The following CHD1 variants were observed in gnomAD, a reference collection of about 807,000 sequenced individuals.
CHD1 encodes the protein ATP-dependent chromatin remodeler CHD1.
A neutral mutation model predicts 224.2 loss-of-function variants in CHD1; 36 were observed. That is an observed-to-expected ratio of 0.16 (90% CI 0.12 to 0.21). The LOEUF is 0.21. Ranked by LOEUF, CHD1 falls within the 10% of genes least tolerant of loss-of-function variation. CHD1 has a pLI of 1.00. For synonymous variants in CHD1, 668 were observed against 658.3 expected (o/e 1.01, Z -0.23); for missense variants, 1,378 against 1,994.8 (o/e 0.69, Z 5.89).
chr5:98,881,879 G>A (rs1750216773), intron 20 of CHD1, 96 bp downstream of exon 20: 2 of 1,067,490 alleles, frequency 1.9e-6, no homozygotes, highest in Admixed American at 2.4e-5. Flanking sequence ...GTACAACTCT[G>A]AATACATTTC....
intron 23 of CHD1, among the ~76,000 whole-genome samples, chr5:98,878,561 G>T (rs1413936990): frequency 1.3e-5 from 2 of 152,152 alleles, no homozygotes. Flanking sequence ...ATATAGCTTG[G>T]CATGGCACTA....
intron 4 of CHD1, 96 bp downstream of exon 4, chr5:98,903,696 C>T: frequency 2.2e-6 from 2 of 890,116 alleles, no homozygotes; most frequent in Non-Finnish European, 1.9e-6. Context: ...CTTATTCTTT[C>T]AAAGCACTTA....
In CHD1 at chr5:98,904,990, G is replaced by A. The variant is rs138037687; in HGVS notation, c.162C>T (p.Ser54=). ...SSQSGSSDSD[S]GSESGSQSES... is the part of the protein sequence containing the mutation. ...CTGACTGACTGCCTGATTCAGATCC[G>A]GAGTCAGAGTCACTGCTACCTGACT... Residue 54 remains serine, a synonymous_variant, in exon 3 of 36, where the codon TCC becomes TCT. Transcript: ENST00000614616. The A allele has an allele frequency of 6.3e-6, 10 of 1,585,254 alleles. No homozygotes were observed. In the East Asian group the frequency reaches 6.7e-5, roughly 11 times the overall value.
chr5:98,902,631 T>C (rs1045094259), intron 5 of CHD1, among the ~76,000 whole-genome samples: 4 of 152,078 alleles, frequency 2.6e-5, no homozygotes, highest in African/African-American at 9.6e-5. Context: ...TTTTCTGATA[T>C]TACAACTAGG....
At position 98,872,044 on chromosome 5, in the gene CHD1, T is replaced by C. The variant is rs1231317073; in HGVS notation, c.3861+7A>G. 1.9e-6 allele frequency: 3 copies of C among 1,601,508 alleles called. No individual in the cohort carries two copies. The highest frequency in any genetic ancestry group is 2.6e-6 in the Non-Finnish European group (3 of 1,173,270). ...AATGGTTAACAGAATCAGAAATAGA[T>C]AAATACCTTGTGTGTTAGACTGAGG... On this transcript the variant is annotated splice_region_variant and intron_variant, in intron 28 of 35. Coordinates refer to ENST00000614616, the MANE Select transcript of CHD1 (RefSeq NM_001270.4).
rs1747904504 is a variant in CHD1 at position 98,854,842 on chromosome 5, C to A, written c.*1538G>T. On this transcript the variant is annotated 3_prime_UTR_variant, in exon 36 of 36. Coordinates refer to ENST00000614616, the MANE Select transcript of CHD1 (RefSeq NM_001270.4). ...CACATACTTATATTCGTCAAAGATT[C>A]AAATTTGTTACATCAAAGCATACAT... The A allele has an allele frequency of 6.6e-6, 1 of 152,094 alleles. No homozygotes were observed. Among genetic ancestry groups the A allele is most frequent in the Non-Finnish European group, 1.5e-5 (1 of 68,002 alleles). 9.4% of individuals were successfully genotyped at this position (152,094 alleles called of 1,614,324 possible).
At chr5:98,904,082 C>T (rs1246737854) in intron 3 of CHD1, among the ~76,000 whole-genome samples, 174 bp from the exon 4 acceptor site, 1 of 151,942 alleles carries the variant, frequency 6.6e-6, no homozygotes, top group Non-Finnish European at 1.5e-5. Context: ...AAATGCTGAG[C>T]TCTAGTTATG....
intron 34 of CHD1, chr5:98,858,708 AAC>A: frequency 7.1e-6 from 3 of 425,118 alleles, no homozygotes; most frequent in East Asian, 3.8e-5. Context: ...TGTTCATTTT[AAC>A]AGTCATTCTA....
chr5:98,854,609 C>G lies in CHD1; in HGVS notation c.*1771G>C, dbSNP rs2112428080. On this transcript the variant is annotated 3_prime_UTR_variant, in exon 36 of 36. Transcript: ENST00000614616. ...CTCATATACCAGAAAAGAAACAAAGCATTATTATTCTTCAGGGTAACTGTA... is the reference window on the plus strand; with the variant it reads ...CTCATATACCAGAAAAGAAACAAAGGATTATTATTCTTCAGGGTAACTGTA... 1 of 152,120 alleles carries G rather than the reference C, an allele frequency of 6.6e-6. No homozygotes were observed. The highest frequency in any genetic ancestry group is 6.5e-5 in the Admixed American group (1 of 15,274). The allele number at this position is 152,120 out of a possible 1,614,324, so 9.4% of individuals were successfully genotyped here.
At chr5:98,917,721 C>T (rs1007053571) in intron 2 of CHD1, among the ~76,000 whole-genome samples, 1 of 152,200 alleles carries the variant, frequency 6.6e-6, no homozygotes, top group African/African-American at 2.4e-5. Flanking sequence ...TAGAACTTTG[C>T]ACATCTCCAG....
intron 31 of CHD1, among the ~76,000 whole-genome samples, 184 bp from the exon 32 acceptor site, chr5:98,863,770 C>G (rs1178668963): frequency 6.6e-6 from 1 of 152,080 alleles, no homozygotes; most frequent in Non-Finnish European, 1.5e-5. Flanking sequence ...AGATTTTCTT[C>G]AGGAGAGCAA....
chr5:98,900,787 A>G (rs1411530391), intron 7 of CHD1, 24 bp downstream of exon 7: 1 of 1,592,216 alleles, frequency 6.3e-7, no homozygotes, highest in Non-Finnish European at 8.6e-7. Context: ...ATAACCAAAC[A>G]ATAAATGGTT....
rs1747976663 is a variant in CHD1 at position 98,855,740 on chromosome 5, AG to A, written c.*639del. 6.6e-6 allele frequency: 1 copy of A among 151,768 alleles called. No homozygotes were observed. The highest frequency in any genetic ancestry group is 2.4e-5 in the African/African-American group (1 of 41,334). 9.4% of individuals were successfully genotyped at this position (151,768 alleles called of 1,614,324 possible). A position where few individuals can be genotyped will look rare whatever the true frequency, so the allele number is the denominator to read the frequency against. Reference sequence around the variant, plus strand: ...AGTCAAAAAAAGCCTGAGAAAGGGAAGGAAGTAAGGAAAGTTCCTTTAATAT... The same window carrying A: ...AGTCAAAAAAAGCCTGAGAAAGGGAAGAAGTAAGGAAAGTTCCTTTAATAT... On this transcript the variant is annotated 3_prime_UTR_variant, in exon 36 of 36. Transcript: ENST00000614616.
intron 30 of CHD1, 168 bp from the exon 31 acceptor site, chr5:98,868,803 G>A: frequency 1.4e-6 from 1 of 738,024 alleles, no homozygotes; most frequent in Non-Finnish European, 2.0e-6. Flanking sequence ...TTTTATTTGG[G>A]GAAACAATCA....
chr5:98,859,291 A>C (rs1748288922), intron 33 of CHD1, among the ~76,000 whole-genome samples: 1 of 152,138 alleles, frequency 6.6e-6, no homozygotes, highest in Admixed American at 6.5e-5. Context: ...GCTTCTCCTA[A>C]TGTTAATATC....
intron 5 of CHD1, among the ~76,000 whole-genome samples, chr5:98,902,663 T>C (rs1019592595): frequency 6.6e-6 from 1 of 152,008 alleles, no homozygotes; most frequent in African/African-American, 2.4e-5. Flanking sequence ...AGTTTAAAAA[T>C]ATATAGGGGG....
At chr5:98,910,200 T>C (rs1261745443) in intron 2 of CHD1, among the ~76,000 whole-genome samples, 2 of 152,170 alleles carry the variant, frequency 1.3e-5, no homozygotes, top group Non-Finnish European at 2.9e-5. Context: ...TTTACTTCCA[T>C]TGTATGTTCA....
chr5:98,912,838 T>C (rs1239067605), intron 2 of CHD1, among the ~76,000 whole-genome samples: 2 of 152,220 alleles, frequency 1.3e-5, no homozygotes, highest in Non-Finnish European at 2.9e-5. Context: ...TATTTTCAAT[T>C]ATATAACATA....
chr5:98,858,472 G>A lies in CHD1; in HGVS notation c.4577-82C>T, dbSNP rs78436283. The A allele has an allele frequency of 1.2e-3, 1,362 of 1,148,936 alleles. 7 individuals are homozygous for A. The Admixed American group carries it at 0.013, about 11-fold the overall frequency. The allele number at this position is 1,148,936 out of a possible 1,614,324, so 71.2% of individuals were successfully genotyped here. On this transcript the variant is annotated intron_variant, in intron 34 of 35. Transcript: ENST00000614616. The stretch of plus-strand genomic sequence containing the variant: ...CTTAGTTGATAGATAACAAGAATTC[G>A]TTTCAACCCTTGCCAAAACAAAATC...
Sources: allele counts gnomAD v4.1 joint callset (sites outside exome capture counted in the v4.1 genomes callset), GRCh38; gene constraint gnomAD v4.1.1; transcripts MANE v1.5; gene names NCBI Gene and HGNC (gene_info 2026-07-23, HGNC 2026-07-21).